CATSPERD: variants seen among roughly 807,000 people sequenced by gnomAD.
CATSPERD encodes the protein catsper channel auxiliary subunit delta.
A neutral mutation model predicts 98.1 loss-of-function variants in CATSPERD; 86 were observed. That is an observed-to-expected ratio of 0.88 (90% confidence interval 0.74 to 1.05). The LOEUF is 1.05. CATSPERD is among the 50% of genes least tolerant of loss of function. The pLI is 0.00. For synonymous variants in CATSPERD, 394 were observed against 390.2 expected (o/e 1.01, Z -0.12); for missense variants, 995 against 1,005.7 (o/e 0.99, Z 0.14).
intron 7 of CATSPERD, among the ~76,000 whole-genome samples, chr19:5,743,646 CTG>C (rs940276787): frequency 9.0e-6 from 1 of 111,298 alleles, no homozygotes; most frequent in Admixed American, 9.0e-5. Context: ...CTCTCTGTCT[CTG>C]TCTCTCTCTC....
At chr19:5,749,717 A>G (rs954289905) in intron 11 of CATSPERD, among the ~76,000 whole-genome samples, 1 of 151,892 alleles carries the variant, frequency 6.6e-6, no homozygotes, top group African/African-American at 2.4e-5. Context: ...AGGCACAGAG[A>G]CCTAAGTCGT....
At chr19:5,772,506 C>T (rs145759631) in intron 19 of CATSPERD, 107 of 361,794 alleles carry the variant, frequency 3.0e-4, no homozygotes, top group African/African-American at 2.1e-3. Flanking sequence ...AGATTACGGG[C>T]GTGAGCCGCC....
rs143660393 is a variant in CATSPERD at position 5,772,812 on chromosome 19, G to C, written c.1788G>C (p.Glu596Asp). The change falls in exon 20 of 22, where the codon GAG becomes GAC. Residue 596 changes from glutamate (E) to aspartate (D), a missense_variant. Transcript: ENST00000381624. ...VELWRKDSFQ[E>D]VIDAEYVLLE... ...GGTGGCGAAAAGACAGTTTCCAGGA[G>C]GTCATCGACGCCGAGTATGTGTTAC... The C allele has an allele frequency of 4.8e-3, 7,722 of 1,613,894 alleles. 30 individuals carry two copies. Among genetic ancestry groups the C allele is most frequent in the Middle Eastern group, 0.011 (65 of 6,056 alleles).
chr19:5,744,295 A>C, intron 7 of CATSPERD, 132 bp from the exon 8 acceptor site: 1 of 755,896 alleles, frequency 1.3e-6, no homozygotes, highest in South Asian at 1.5e-5. Flanking sequence ...CCATATTTCC[A>C]CAGAGGGCAT....
Position 5,771,029 on chromosome 19 carries a change from C to T in CATSPERD, c.1720C>T (p.Leu574Phe), listed in dbSNP as rs2145860702. ...FYSYQQLGCP[L>F]LVYYDTLWKP... Reference sequence around the variant, plus strand: ...CTCCTACCAGCAGCTGGGCTGTCCTCTCCTCGTCTACTATGACACCCTATG... The same window carrying T: ...CTCCTACCAGCAGCTGGGCTGTCCTTTCCTCGTCTACTATGACACCCTATG... Residue 574 changes from leucine to phenylalanine, a missense_variant, in exon 19 of 22, where the codon CTC (leucine) becomes TTC (phenylalanine). Leu to Phe is a conservative substitution (Grantham distance 22). Coordinates refer to ENST00000381624, the MANE Select transcript of CATSPERD (RefSeq NM_152784.4). 6.2e-7 allele frequency: 1 copy of T among 1,614,114 alleles called. No homozygotes were observed. Among genetic ancestry groups the T allele is most frequent in the Middle Eastern group, 1.7e-4 (1 of 6,060 alleles).
intron 6 of CATSPERD, among the ~76,000 whole-genome samples, chr19:5,737,583 C>T (rs2055873615): frequency 1.4e-5 from 2 of 141,088 alleles, no homozygotes; most frequent in South Asian, 2.2e-4. Flanking sequence ...GGCATGGTGG[C>T]TCATGCCTGT....
rs1374406983 is a variant in CATSPERD at position 5,746,004 on chromosome 19, G to A, written c.749G>A (p.Gly250Asp). Residue 250 changes from glycine to aspartate, a missense_variant, in exon 9 of 22, where the codon GGC becomes GAC. Transcript: ENST00000381624. ...NGTLDILIAP[G>D]QRGILLLWFE... ...ACTCTAGACATCCTCATCGCCCCCG[G>A]CCAGAGAGGCATCCTGCTCCTATGG... 14 of 1,614,108 alleles carry A rather than the reference G, an allele frequency of 8.7e-6. No individual in the cohort carries two copies. The highest frequency in any genetic ancestry group is 1.2e-5 in the Non-Finnish European group (14 of 1,180,014).
chr19:5,766,288 TG>T (rs760563520), intron 17 of CATSPERD, 133 bp downstream of exon 17: 104 of 195,820 alleles, frequency 5.3e-4, no homozygotes, highest in South Asian at 7.7e-4. Context: ...CCGTCTCTAC[TG>T]AAAAAAAAAA....
rs2056632657 is a variant in CATSPERD, at chr19:5,770,986, G to A, written c.1677G>A (p.Glu559=). The A allele has an allele frequency of 1.2e-6, 2 of 1,613,980 alleles. No homozygotes were observed. Among genetic ancestry groups the A allele is most frequent in the South Asian group, 1.1e-5 (1 of 91,078 alleles). Residue 559 remains glutamate (E), a synonymous_variant, in exon 19 of 22, where the codon GAG becomes GAA. Coordinates refer to ENST00000381624, the MANE Select transcript of CATSPERD (RefSeq NM_152784.4). ...GCTTCCAGGGGCAGCAGTCCTCCGA[G>A]GACCTGCACGTGTTTTACTCCTACC... ...DPGFQGQQSS[E]DLHVFYSYQQ...
At chr19:5,766,429 G>A (rs2145843045) in intron 17 of CATSPERD, among the ~76,000 whole-genome samples, 1 of 149,608 alleles carries the variant, frequency 6.7e-6, no homozygotes, top group East Asian at 2.0e-4. Context: ...CTGCACTCCA[G>A]CCTGGCTGAC....
At chr19:5,728,102 G>A (rs892582064) in intron 3 of CATSPERD, among the ~76,000 whole-genome samples, 1 of 150,384 alleles carries the variant, frequency 6.6e-6, no homozygotes, top group Non-Finnish European at 1.5e-5. Context: ...GCTAACCTCT[G>A]TAATCCCAGC....
intron 2 of CATSPERD, among the ~76,000 whole-genome samples, chr19:5,726,963 G>A (rs1375262433): frequency 6.6e-6 from 1 of 152,256 alleles, no homozygotes; most frequent in East Asian, 1.9e-4. Flanking sequence ...GGAGGCCAAG[G>A]CAGGTGGATC....
In CATSPERD at chr19:5,720,844, CCGGGGG is replaced by C. The variant is rs772627085; in HGVS notation, c.71+37_71+42del. ...CAGGACTCCTGGGGCTGGGGTGCTGCCGGGGGTCGGGAGGGTGCTGGTTCATCTTGG... is the reference window on the plus strand; with the variant it reads ...CAGGACTCCTGGGGCTGGGGTGCTGCTCGGGAGGGTGCTGGTTCATCTTGG... On this transcript the variant is annotated intron_variant, in intron 1 of 21. Transcript: ENST00000381624. 1.9e-6 allele frequency: 3 copies of C among 1,567,982 alleles called. No homozygotes were observed. In the African/African-American group the frequency reaches 4.0e-5, roughly 21 times the overall value.
intron 11 of CATSPERD, among the ~76,000 whole-genome samples, 183 bp from the exon 12 acceptor site, chr19:5,751,464 G>C (rs968882320): frequency 6.8e-6 from 1 of 146,018 alleles, no homozygotes; most frequent in African/African-American, 2.6e-5. Context: ...AACCCGGGAG[G>C]CGGAGCTTGC....
intron 4 of CATSPERD, among the ~76,000 whole-genome samples, chr19:5,732,593 C>T (rs570164434): frequency 8.6e-5 from 13 of 151,926 alleles, no homozygotes; most frequent in South Asian, 2.1e-4. Flanking sequence ...CCACCACGCC[C>T]GGCTAATTTT....
At position 5,720,776 on chromosome 19, in the gene CATSPERD, G is replaced by T; in HGVS notation, c.39G>T (p.Trp13Cys). 1 of 1,602,828 alleles carries T rather than the reference G, an allele frequency of 6.2e-7. No homozygotes were observed. ...TGCTGGTGGCGGCTGTGACCATGTG[G>T]CTCCGACCGCTGGTCACAGCTCAGC... ...MLMLVAAVTM[W>C]LRPLVTAQLC... The change falls in exon 1 of 22, where the codon TGG becomes TGT. Residue 13 changes from tryptophan to cysteine, a missense_variant. By Grantham distance (215) the Trp-to-Cys change is radical. Coordinates refer to ENST00000381624, the MANE Select transcript of CATSPERD (RefSeq NM_152784.4).
chr19:5,737,034 G>T (rs2055860518), intron 5 of CATSPERD, 104 bp from the exon 6 acceptor site: 3 of 642,920 alleles, frequency 4.7e-6, no homozygotes, highest in Non-Finnish European at 8.0e-6. Flanking sequence ...TTCAGCCTGG[G>T]CGACAGAGCA....
rs139987619 is a variant in CATSPERD at position 5,757,896 on chromosome 19, C to T, written c.1332C>T (p.Asn444=). Residue 444 remains asparagine (N), a synonymous_variant, in exon 14 of 22, where the codon AAC becomes AAT. Coordinates refer to ENST00000381624, the MANE Select transcript of CATSPERD (RefSeq NM_152784.4). ...SLGFQATFYE[N]GYTSDGNTKY... is the part of the protein sequence containing the mutation. ...GGTTCCAGGCCACCTTCTACGAGAA[C>T]GGTTACACATCAGATGGGAACACCA... 2.0e-5 allele frequency: 33 copies of T among 1,613,462 alleles called. No individual in the cohort carries two copies. Among genetic ancestry groups the T allele is most frequent in the Admixed American group, 1.7e-4 (10 of 59,912 alleles).
At chr19:5,736,933 T>C (rs10401808) in intron 5 of CATSPERD, among the ~76,000 whole-genome samples, 2,223 of 151,212 alleles carry the variant, frequency 0.015, 55 homozygotes, top group African/African-American at 0.051. Flanking sequence ...GGTGGGTGCC[T>C]GTAGTCCCAG....
Sources: gnomAD v4.1 joint callset for allele counts (sites outside exome capture counted in the v4.1 genomes callset) on GRCh38, gnomAD v4.1.1 for gene constraint, MANE v1.5 for transcripts, NCBI Gene and HGNC (gene_info 2026-07-23, HGNC 2026-07-21) for gene names.